The following MISP variants were observed in gnomAD, a reference collection of about 807,000 sequenced individuals.
MISP encodes mitotic spindle positioning.
MISP carries 51 observed loss-of-function variants against 49.3 expected under a neutral mutation model. That is an observed-to-expected ratio of 1.03 (90% CI 0.83 to 1.31). The LOEUF is 1.31. Among genes scored for constraint, MISP ranks in the 50% most tolerant of loss-of-function variants. The pLI is 0.00. For synonymous variants in MISP, 444 were observed against 392.6 expected (o/e 1.13, Z -1.55); for missense variants, 1,084 against 935.1 (o/e 1.16, Z -2.08).
At position 757,826 on chromosome 19, in the gene MISP, G is replaced by C. The variant is rs754131543; in HGVS notation, c.880G>C (p.Glu294Gln). Residue 294 changes from glutamate (E) to glutamine (Q), a missense_variant, in exon 2 of 5, where the codon GAG becomes CAG. By Grantham distance (29) the Glu-to-Gln change is conservative. Coordinates refer to ENST00000215582, the MANE Select transcript of MISP (RefSeq NM_173481.4). The part of the protein sequence containing the change: ...SPGTPKETPI[E>Q]REIRLAQERE... ...GGGGACCCCCAAGGAGACGCCCATC[G>C]AGCGGGAGATCCGTCTGGCTCAGGA... The C allele has an allele frequency of 4.3e-6, 7 of 1,611,350 alleles. No individual in the cohort carries two copies. The South Asian group carries it at 5.5e-5, about 13-fold the overall frequency.
At chr19:758,793 G>C (rs976868512) in intron 2 of MISP, 67 bp downstream of exon 2, 86 of 1,402,030 alleles carry the variant, frequency 6.1e-5, no homozygotes, top group Non-Finnish European at 7.4e-5. Flanking sequence ...GGGGAGGGTG[G>C]GGAGGTGGAG....
Position 758,597 on chromosome 19 carries a change from A to G in MISP, c.1651A>G (p.Arg551Gly). 2 of 1,614,164 alleles carry G rather than the reference A, an allele frequency of 1.2e-6. No homozygotes were observed. Among genetic ancestry groups the G allele is most frequent in the Non-Finnish European group, 1.7e-6 (2 of 1,180,022 alleles). ...GTCATCTGATCTGCTGGAAAGGGAG[A>G]GGGAGAGTGTCCTGCGCCGGGAGCA... The part of the protein sequence containing the change: ...SQSSDLLERE[R>G]ESVLRREQEV... Residue 551 changes from arginine (R) to glycine (G), a missense_variant, in exon 2 of 5, where the codon AGG becomes GGG. By Grantham distance (125) the Arg-to-Gly change is moderately radical. Transcript: ENST00000215582.
chr19:758,071 G>A lies in MISP; in HGVS notation c.1125G>A (p.Ala375=), dbSNP rs750376997. 2.5e-5 allele frequency: 40 copies of A among 1,571,856 alleles called. No homozygotes were observed. In the South Asian group the frequency reaches 2.8e-4, roughly 11 times the overall value. ...GGGAGGGCCTGCACGTGGGCCGGGC[G>A]TCCACACCCGACTGGGTCTCGGAGG... The part of the protein sequence containing the change: ...HRREGLHVGR[A]STPDWVSEGP... Residue 375 remains alanine, a synonymous_variant, in exon 2 of 5, where the codon GCG becomes GCA. Transcript: ENST00000215582.
upstream of MISP, among the ~76,000 whole-genome samples, chr19:749,396 G>C (rs1487233843): frequency 6.6e-6 from 1 of 152,248 alleles, no homozygotes; most frequent in African/African-American, 2.4e-5. Flanking sequence ...CTACAAGCCA[G>C]GGAGAAAAGG....
At chr19:762,613 C>G (rs756451573) in intron 4 of MISP, among the ~76,000 whole-genome samples, 1 of 152,064 alleles carries the variant, frequency 6.6e-6, no homozygotes, top group Non-Finnish European at 1.5e-5. Flanking sequence ...CCCCCTCAGT[C>G]GGTTTATGGC....
intron 3 of MISP, among the ~76,000 whole-genome samples, chr19:760,789 G>A (rs1356406534): frequency 2.0e-5 from 3 of 152,016 alleles, no homozygotes; most frequent in Non-Finnish European, 4.4e-5. Flanking sequence ...ACGGAGGGAT[G>A]TGTCTGTCAC....
rs1006673863 is a variant in MISP at position 760,042 on chromosome 19, G to T, written c.1911+3G>T. 1 of 1,613,638 alleles carries T rather than the reference G, an allele frequency of 6.2e-7. No individual in the cohort carries two copies. Among genetic ancestry groups the T allele is most frequent in the Non-Finnish European group, 8.5e-7 (1 of 1,179,724 alleles). ...GGCAGAGAAAGAAGGAGCAATGGGT[G>T]AGTCTGGAACCCGTCTCTGCAGAGG... is the stretch of plus-strand genomic sequence containing the variant. On this transcript the variant is annotated splice_donor_region_variant and intron_variant, in intron 3 of 4. Transcript: ENST00000215582.
Position 756,978 on chromosome 19 carries a change from G to A in MISP, c.32G>A (p.Gly11Asp), listed in dbSNP as rs1402278489. 3.2e-6 allele frequency: 5 copies of A among 1,586,430 alleles called. No homozygotes were observed. Among genetic ancestry groups the A allele is most frequent in the Admixed American group, 1.7e-5 (1 of 57,154 alleles). Residue 11 changes from glycine (G) to aspartate (D), a missense_variant, in exon 2 of 5, where the codon GGC becomes GAC. Physicochemically the swap from Gly to Asp is moderately conservative, Grantham distance 94 (BLOSUM62 -1). Transcript: ENST00000215582. MDRVTRYPILGIPQAHRGTGL... is the reference protein window; with the variant it reads MDRVTRYPILDIPQAHRGTGL... Reference sequence around the variant, plus strand: ...CGCGTGACCAGATACCCCATCCTGGGCATCCCTCAGGCACACCGTGGCACC... The same window carrying A: ...CGCGTGACCAGATACCCCATCCTGGACATCCCTCAGGCACACCGTGGCACC...
chr19:753,427 C>T (rs1041982974), intron 1 of MISP, among the ~76,000 whole-genome samples: 1 of 148,136 alleles, frequency 6.8e-6, no homozygotes, highest in African/African-American at 2.5e-5. Flanking sequence ...AGCTCTGTCA[C>T]CAGGCTGGAG....
chr19:750,185 G>A (rs981529087), upstream of MISP, among the ~76,000 whole-genome samples: 20 of 115,126 alleles, frequency 1.7e-4, no homozygotes, highest in Non-Finnish European at 8.8e-5. Flanking sequence ...GCCTCGTGCG[G>A]TTCTTTTTTT....
rs1430023151 is a variant in MISP at position 757,816 on chromosome 19, G to C, written c.870G>C (p.Glu290Asp). 1 of 1,611,636 alleles carries C rather than the reference G, an allele frequency of 6.2e-7. No individual in the cohort carries two copies. Among genetic ancestry groups the C allele is most frequent in the East Asian group, 2.2e-5 (1 of 44,796 alleles). ...TGGAGTCCCCGGGGACCCCCAAGGA[G>C]ACGCCCATCGAGCGGGAGATCCGTC... ...ASVESPGTPK[E>D]TPIEREIRLA... Residue 290 changes from glutamate to aspartate, a missense_variant, in exon 2 of 5, where the codon GAG becomes GAC. Glu to Asp is a conservative substitution (Grantham distance 45). Coordinates refer to ENST00000215582, the MANE Select transcript of MISP (RefSeq NM_173481.4).
chr19:756,415 C>G (rs572552660), intron 1 of MISP, among the ~76,000 whole-genome samples: 86 of 152,266 alleles, frequency 5.6e-4, no homozygotes, highest in Middle Eastern at 3.4e-3. Context: ...GTGGGATGCT[C>G]TGATTGATCA....
Position 757,672 on chromosome 19 carries a change from G to A in MISP, c.726G>A (p.Gly242=), listed in dbSNP as rs778347305. ...KAFNKPHLAN[G]HVVPIKPQVK... ...TCAACAAGCCCCACCTGGCCAACGG[G>A]CACGTGGTTCCCATCAAGCCCCAGG... is the stretch of plus-strand genomic sequence containing the variant. The change falls in exon 2 of 5, where the codon GGG becomes GGA. Residue 242 remains glycine, a synonymous_variant. Transcript: ENST00000215582. The A allele has an allele frequency of 6.2e-7, 1 of 1,613,624 alleles. No individual in the cohort carries two copies. Among genetic ancestry groups the A allele is most frequent in the South Asian group, 1.1e-5 (1 of 91,056 alleles).
At chr19:750,498 C>T (rs1365668546), upstream of MISP, among the ~76,000 whole-genome samples, 1 of 152,110 alleles carries the variant, frequency 6.6e-6, no homozygotes, top group African/African-American at 2.4e-5. Flanking sequence ...CCAAGTCCGG[C>T]CCCCTCGTAT....
upstream of MISP, among the ~76,000 whole-genome samples, chr19:750,656 G>A (rs879446333): frequency 3.6e-4 from 55 of 152,328 alleles, no homozygotes; most frequent in Non-Finnish European, 6.8e-4. Flanking sequence ...ACCCCCCCGA[G>A]TCTGCCAAAC....
At chr19:754,607 T>A (rs1306411484) in intron 1 of MISP, among the ~76,000 whole-genome samples, 3 of 152,212 alleles carry the variant, frequency 2.0e-5, no homozygotes, top group Admixed American at 6.5e-5. Flanking sequence ...AGCCTGTGCA[T>A]CGCAGCGAGA....
intron 1 of MISP, among the ~76,000 whole-genome samples, chr19:754,101 T>C (rs1197480998): frequency 6.6e-6 from 1 of 151,432 alleles, no homozygotes; most frequent in Admixed American, 6.6e-5. Context: ...GCGGATCACC[T>C]GAAGTCAGGA....
upstream of MISP, chr19:751,047 C>G (rs1460277498): frequency 6.6e-6 from 1 of 152,510 alleles, no homozygotes; most frequent in Non-Finnish European, 1.5e-5. Context: ...AGGGGGCACA[C>G]CTGCCTCCCC....
chr19:750,680 GAAGGGGGCCATCTAGGGGAGTTGCCCCA>G (rs964013049), upstream of MISP, among the ~76,000 whole-genome samples: 1 of 152,202 alleles, frequency 6.6e-6, no homozygotes, highest in African/African-American at 2.4e-5. Context: ...GTTTATGCAA[GAAGGGGGCCATCTAGGGGAGTTGCCCCA>G]AGGGGTGGGC....
Sources: allele counts gnomAD v4.1 joint callset (sites outside exome capture counted in the v4.1 genomes callset), GRCh38; gene constraint gnomAD v4.1.1; transcripts MANE v1.5; gene names NCBI Gene and HGNC (gene_info 2026-07-23, HGNC 2026-07-21).